Variants in UBE2G1 observed in about 807,000 individuals in gnomAD.
UBE2G1 encodes ubiquitin conjugating enzyme E2 G1.
A neutral mutation model predicts 22.7 loss-of-function variants in UBE2G1; 5 were observed. The ratio of observed to expected loss-of-function variants is 0.22; its 90% CI spans 0.12 to 0.46. The LOEUF is 0.46. Ranked by LOEUF, UBE2G1 falls within the 20% of genes least tolerant of loss-of-function variation. UBE2G1 has a pLI of 0.99. For missense variants in UBE2G1, 88 were observed against 203.9 expected (o/e 0.43, Z 3.46); for synonymous variants, 74 against 67.5 (o/e 1.10, Z -0.47).
chr17:4,301,359 G>C, intron 2 of UBE2G1: 1 of 515,524 alleles, frequency 1.9e-6, no homozygotes, highest in Non-Finnish European at 3.6e-6. Context: ...GGAGGAGAAG[G>C]ATGAGAAAGC....
chr17:4,326,620 G>A (rs1041745208), intron 1 of UBE2G1, among the ~76,000 whole-genome samples: 2 of 152,180 alleles, frequency 1.3e-5, no homozygotes, highest in Non-Finnish European at 2.9e-5. Context: ...GGGTCAAACA[G>A]ATGTTTGTAC....
intron 1 of UBE2G1, among the ~76,000 whole-genome samples, chr17:4,343,618 T>C (rs1019853679): frequency 1.8e-4 from 27 of 151,554 alleles, no homozygotes; most frequent in Non-Finnish European, 1.3e-4. Flanking sequence ...AGACGGAGTC[T>C]CGCTCTGTCG....
At chr17:4,349,814 G>A (rs753563829) in intron 1 of UBE2G1, among the ~76,000 whole-genome samples, 38 of 150,390 alleles carry the variant, frequency 2.5e-4, no homozygotes, top group Admixed American at 1.8e-3. Context: ...CTACACTCCA[G>A]TCTCGGCGAC....
Position 4,282,887 on chromosome 17 carries a change from T to C in UBE2G1, c.461A>G (p.Lys154Arg), listed in dbSNP as rs1968911769. 6.2e-7 allele frequency: 1 copy of C among 1,613,414 alleles called. No homozygotes were observed. Among genetic ancestry groups the C allele is most frequent in the Non-Finnish European group, 8.5e-7 (1 of 1,179,794 alleles). The change falls in exon 5 of 6, where the codon AAA becomes AGA. Residue 154 changes from lysine (K) to arginine (R), a missense_variant. This residue lies in a region of UBE2G1 where 38 missense variants were observed against 132.9 expected (regional missense o/e 0.29). Coordinates refer to ENST00000396981, the MANE Select transcript of UBE2G1 (RefSeq NM_003342.5). ...TCTTACACAGCGGGCAACTTTTCTT[T>C]TAAATTCTCCATTTCTATCTTCCCT... ...EWREDRNGEFKRKVARCVRKS... is the reference protein window; with the variant it reads ...EWREDRNGEFRRKVARCVRKS...
chr17:4,330,650 T>C (rs1969562796), intron 1 of UBE2G1, among the ~76,000 whole-genome samples: 1 of 152,054 alleles, frequency 6.6e-6, no homozygotes. Context: ...GGCAGGAGAA[T>C]TGCTTGAACC....
At chr17:4,317,941 A>G (rs2053255) in intron 1 of UBE2G1, among the ~76,000 whole-genome samples, 51,971 of 152,100 alleles carry the variant, frequency 0.34, 9,045 homozygotes, top group Admixed American at 0.39. Context: ...GATCTCGCCT[A>G]TTTTATAGAA....
chr17:4,344,377 A>G (rs553609871), intron 1 of UBE2G1, among the ~76,000 whole-genome samples: 1 of 152,156 alleles, frequency 6.6e-6, no homozygotes, highest in South Asian at 2.1e-4. Flanking sequence ...CGTCTCTACT[A>G]AAACTACAAA....
chr17:4,284,794 G>A (rs1316085581), intron 4 of UBE2G1, among the ~76,000 whole-genome samples: 4 of 128,552 alleles, frequency 3.1e-5, no homozygotes, highest in East Asian at 2.3e-4. Flanking sequence ...TTTTCCCCCC[G>A]AGACTGTCAT....
At chr17:4,341,740 G>A (rs550205682) in intron 1 of UBE2G1, among the ~76,000 whole-genome samples, 3 of 152,030 alleles carry the variant, frequency 2.0e-5, no homozygotes, top group Non-Finnish European at 4.4e-5. Context: ...ATACCAATCC[G>A]TCCAGTGCAA....
intron 1 of UBE2G1, among the ~76,000 whole-genome samples, chr17:4,315,800 CT>C (rs368086814): frequency 0.3 from 31,815 of 104,994 alleles, 4,779 homozygotes; most frequent in Admixed American, 0.34. Context: ...AAAGAGGCTC[CT>C]TTTTTTTTTT....
At chr17:4,327,333 C>T (rs1021293438) in intron 1 of UBE2G1, among the ~76,000 whole-genome samples, 1 of 150,544 alleles carries the variant, frequency 6.6e-6, no homozygotes, top group South Asian at 2.1e-4. Context: ...GCCGTAGTGG[C>T]GTAGTGGCGG....
chr17:4,298,375 A>C (rs1969135262), intron 2 of UBE2G1, among the ~76,000 whole-genome samples: 1 of 152,230 alleles, frequency 6.6e-6, no homozygotes, highest in South Asian at 2.1e-4. Context: ...TACACATAGA[A>C]AAATGTCCAG....
intron 1 of UBE2G1, among the ~76,000 whole-genome samples, chr17:4,365,438 G>T: frequency 6.6e-6 from 1 of 152,338 alleles, no homozygotes; most frequent in Middle Eastern, 3.4e-3. Context: ...CGGAGGCCGG[G>T]ACAATGGGGG....
chr17:4,343,595 CT>C (rs111670323), intron 1 of UBE2G1, among the ~76,000 whole-genome samples: 66,999 of 148,184 alleles, frequency 0.45, 17,962 homozygotes, highest in African/African-American at 0.77. Context: ...AACCTTTTTT[CT>C]TTTTTTTTTT....
chr17:4,349,799 C>T (rs1969822576), intron 1 of UBE2G1, among the ~76,000 whole-genome samples: 2 of 150,774 alleles, frequency 1.3e-5, no homozygotes, highest in African/African-American at 2.5e-5. Context: ...GCCGAGATTG[C>T]GCCACTACAC....
At chr17:4,306,641 A>G (rs1176089612) in intron 2 of UBE2G1, among the ~76,000 whole-genome samples, 1 of 152,026 alleles carries the variant, frequency 6.6e-6, no homozygotes, top group African/African-American at 2.4e-5. Flanking sequence ...GTTTGCCAAA[A>G]TATTTGTGGT....
At chr17:4,284,820 TTTTCTTTTCTTTTC>T (rs1213516074) in intron 4 of UBE2G1, among the ~76,000 whole-genome samples, 2,466 of 92,518 alleles carry the variant, frequency 0.027, 128 homozygotes, top group African/African-American at 0.087. Context: ...TTTCTTTTTC[TTTTCTTTTCTTTTC>T]TTTCTTTTTT....
intron 1 of UBE2G1, among the ~76,000 whole-genome samples, chr17:4,336,624 T>C (rs1348168108): frequency 6.6e-6 from 1 of 152,066 alleles, no homozygotes; most frequent in Non-Finnish European, 1.5e-5. Context: ...CCTCCCAGGT[T>C]CAAGTGATTC....
intron 1 of UBE2G1, among the ~76,000 whole-genome samples, chr17:4,327,918 A>G (rs986122254): frequency 6.6e-6 from 1 of 152,178 alleles, no homozygotes; most frequent in South Asian, 2.1e-4. Flanking sequence ...TTGCCTTAAC[A>G]TAAGTGACCT....
Sources: gnomAD v4.1 joint callset for allele counts (sites outside exome capture counted in the v4.1 genomes callset) on GRCh38, gnomAD v4.1.1 for gene constraint, gnomAD v4.1.1 regional missense constraint, MANE v1.5 for transcripts, NCBI Gene and HGNC (gene_info 2026-07-23, HGNC 2026-07-21) for gene names.